Variants in C1orf87 observed in about 807,000 individuals in gnomAD.
C1orf87 encodes the protein uncharacterized protein C1orf87.
In C1orf87, 58 loss-of-function variants were observed where a neutral mutation model predicts 60.5. The ratio of observed to expected loss-of-function variants is 0.96; its 90% CI spans 0.78 to 1.19. The LOEUF is 1.19. Ranked by LOEUF, C1orf87 falls within the 50% of genes most tolerant of loss-of-function variation. The pLI, the probability that C1orf87 is intolerant of heterozygous loss-of-function variation, is 0.00. For synonymous variants in C1orf87, 236 were observed against 227.4 expected (o/e 1.04, Z -0.34); for missense variants, 673 against 638.6 (o/e 1.05, Z -0.58).
At chr1:60,019,657 A>G (rs1347201305) in intron 8 of C1orf87, among the ~76,000 whole-genome samples, 1 of 152,192 alleles carries the variant, frequency 6.6e-6, no homozygotes, top group Non-Finnish European at 1.5e-5. Context: ...TGATATGGAC[A>G]ATGACGTCCA....
At chr1:60,038,893 A>G (rs892552868) in intron 5 of C1orf87, among the ~76,000 whole-genome samples, 1 of 152,176 alleles carries the variant, frequency 6.6e-6, no homozygotes, top group African/African-American at 2.4e-5. Context: ...CAGAGTGGTG[A>G]GCAGTGGGAG....
At chr1:60,026,163 A>C (rs149682373) in intron 7 of C1orf87, among the ~76,000 whole-genome samples, 374 of 152,302 alleles carry the variant, frequency 2.5e-3, no homozygotes, top group African/African-American at 8.7e-3. Flanking sequence ...CAAATATTTC[A>C]AACTTTTAGG....
chr1:60,039,608 G>C (rs903969965), intron 5 of C1orf87, among the ~76,000 whole-genome samples: 2 of 152,244 alleles, frequency 1.3e-5, no homozygotes, highest in African/African-American at 4.8e-5. Context: ...GACTAAGCTA[G>C]CTCATGAATG....
chr1:60,071,491 C>T (rs1286393548), intron 2 of C1orf87, among the ~76,000 whole-genome samples: 1 of 152,230 alleles, frequency 6.6e-6, no homozygotes, highest in African/African-American at 2.4e-5. Flanking sequence ...TGCTGCAAAC[C>T]TCAGTTCCTG....
intron 3 of C1orf87, among the ~76,000 whole-genome samples, chr1:60,045,387 C>T (rs1179753320): frequency 2.0e-5 from 3 of 151,904 alleles, no homozygotes; most frequent in Non-Finnish European, 2.9e-5. Context: ...GTGCTTTAAA[C>T]AAATTAATAC....
intron 3 of C1orf87, among the ~76,000 whole-genome samples, chr1:60,046,179 T>A (rs1298443781): frequency 6.7e-6 from 1 of 149,072 alleles, no homozygotes; most frequent in Admixed American, 6.7e-5. Context: ...CTTCTTTCCT[T>A]CCTTCCTTCC....
chr1:60,058,419 A>T (rs1480383926), intron 2 of C1orf87, among the ~76,000 whole-genome samples: 1 of 152,232 alleles, frequency 6.6e-6, no homozygotes, highest in Non-Finnish European at 1.5e-5. Context: ...AAGTTATATG[A>T]AACATACCCA....
At chr1:60,035,241 A>G (rs1377301577) in intron 6 of C1orf87, among the ~76,000 whole-genome samples, 1 of 152,162 alleles carries the variant, frequency 6.6e-6, no homozygotes, top group Non-Finnish European at 1.5e-5. Flanking sequence ...TCTGAATCAT[A>G]AGTCTTCCTT....
At chr1:59,994,723 A>G (rs1436607876) in intron 11 of C1orf87, among the ~76,000 whole-genome samples, 1 of 152,192 alleles carries the variant, frequency 6.6e-6, no homozygotes, top group Non-Finnish European at 1.5e-5. Context: ...TTAGAGAATA[A>G]GCACAGTAGG....
rs183481190 is a variant in C1orf87 at position 60,007,959 on chromosome 1, A to T, written c.1192+2433T>A. On this transcript the variant is annotated intron_variant, in intron 9 of 11. Transcript: ENST00000371201. ...AGGAGTATCTTTTTTAAGTTTCTGT[A>T]TAATGCCCCTCCTTCACTTTGATAA... 4.4e-4 allele frequency among the ~76,000 whole-genome samples: 67 copies of T among 152,142 alleles called. 1 individual carries two copies. Among genetic ancestry groups the T allele is most frequent in the South Asian group, 3.7e-3 (18 of 4,826 alleles).
At chr1:60,035,289 T>A (rs908715816) in intron 6 of C1orf87, among the ~76,000 whole-genome samples, 1 of 152,210 alleles carries the variant, frequency 6.6e-6, no homozygotes, top group East Asian at 1.9e-4. Flanking sequence ...GGGATAAGAA[T>A]TCATGAAGCT....
chr1:60,049,426 T>C (rs535321561), intron 3 of C1orf87, among the ~76,000 whole-genome samples: 1 of 152,256 alleles, frequency 6.6e-6, no homozygotes, highest in African/African-American at 2.4e-5. Flanking sequence ...GTTCATGTAT[T>C]TTGCCCATTT....
At chr1:60,018,030 A>T (rs373565226) in intron 8 of C1orf87, among the ~76,000 whole-genome samples, 2 of 152,314 alleles carry the variant, frequency 1.3e-5, no homozygotes, top group South Asian at 2.1e-4. Context: ...ATTCTAAAGG[A>T]CATTTAGTCA....
At chr1:60,007,047 G>A (rs1477114683) in intron 9 of C1orf87, among the ~76,000 whole-genome samples, 1 of 151,926 alleles carries the variant, frequency 6.6e-6, no homozygotes, top group East Asian at 1.9e-4. Flanking sequence ...AAGTAGCTGG[G>A]ACTACAGGCA....
intron 7 of C1orf87, among the ~76,000 whole-genome samples, chr1:60,028,311 A>G (rs1340352072): frequency 1.3e-5 from 2 of 152,226 alleles, no homozygotes; most frequent in African/African-American, 4.8e-5. Context: ...TAAAATGAAC[A>G]GCATATTAGA....
intron 6 of C1orf87, 95 bp downstream of exon 6, chr1:60,037,897 T>C: frequency 1.4e-6 from 1 of 698,780 alleles, no homozygotes; most frequent in South Asian, 2.6e-5. Flanking sequence ...ATTTATATTC[T>C]TTATAAGCCA....
At chr1:60,017,809 A>C (rs17119999) in intron 8 of C1orf87, among the ~76,000 whole-genome samples, 1,730 of 152,310 alleles carry the variant, frequency 0.011, 85 homozygotes, top group East Asian at 0.089. Context: ...CCTGGCAGTC[A>C]TTCACTAATG....
chr1:60,023,152 A>G (rs1219570444), intron 8 of C1orf87, among the ~76,000 whole-genome samples: 1 of 152,182 alleles, frequency 6.6e-6, no homozygotes, highest in Non-Finnish European at 1.5e-5. Flanking sequence ...CAATTTGATT[A>G]CAATGAACTT....
chr1:60,010,421 G>A lies in C1orf87; in HGVS notation c.1163C>T (p.Ser388Phe). 1.9e-6 allele frequency: 3 copies of A among 1,612,488 alleles called. No individual in the cohort carries two copies. Among genetic ancestry groups the A allele is most frequent in the African/African-American group, 1.3e-5 (1 of 74,900 alleles). ...AGGCAAATCAGATAACAAATCAGAA[G>A]AAGCTCTGGTCAGCATCTCAACAAA... ...QNFVEMLTRA[S>F]SDLLSDLPTG... The change falls in exon 9 of 12, where the codon TCT (serine) becomes TTT (phenylalanine). Residue 388 changes from serine to phenylalanine, a missense_variant. Ser to Phe is a radical substitution (Grantham distance 155, BLOSUM62 -2). Coordinates refer to ENST00000371201, the MANE Select transcript of C1orf87 (RefSeq NM_152377.3).
Sources: allele counts gnomAD v4.1 joint callset (sites outside exome capture counted in the v4.1 genomes callset), GRCh38; gene constraint gnomAD v4.1.1; transcripts MANE v1.5; gene names NCBI Gene and HGNC (gene_info 2026-07-23, HGNC 2026-07-21).